Variants in LRRC69 observed in about 807,000 individuals in gnomAD.
The protein encoded by LRRC69 is leucine rich repeat containing 69.
LRRC69 carries 42 observed loss-of-function variants against 37.8 expected under a neutral mutation model. The ratio of observed to expected loss-of-function variants is 1.11; its 90% confidence interval spans 0.87 to 1.44. The LOEUF (loss-of-function observed/expected upper bound fraction) is 1.44, where lower values mean the gene tolerates loss of function less well. Ranked by LOEUF, LRRC69 falls within the 40% of genes most tolerant of loss-of-function variation. The pLI is 0.00. For missense variants in LRRC69, 357 were observed against 401.9 expected (o/e 0.89, Z 0.96); for synonymous variants, 141 against 143.1 (o/e 0.99, Z 0.11).
intron 5 of LRRC69, among the ~76,000 whole-genome samples, chr8:91,151,336 A>G (rs973096803): frequency 4.0e-5 from 6 of 151,158 alleles, no homozygotes; most frequent in African/African-American, 1.2e-4. Context: ...CCTTCGTTTC[A>G]TTATGTACCC....
chr8:91,209,420 A>G (rs917069418), intron 7 of LRRC69: 1 of 149,046 alleles, frequency 6.7e-6, no homozygotes, highest in Non-Finnish European at 1.5e-5. Context: ...CCTGGCAACA[A>G]GAGTGAAACT....
At chr8:91,193,375 T>C (rs1809535628) in intron 6 of LRRC69, among the ~76,000 whole-genome samples, 1 of 142,942 alleles carries the variant, frequency 7.0e-6, no homozygotes, top group Non-Finnish European at 1.5e-5. Flanking sequence ...TTTTTTCCAA[T>C]TCTGTGAAGA....
intron 5 of LRRC69, among the ~76,000 whole-genome samples, chr8:91,187,387 CCAGTCTAGACTGAAAAGGAG>C (rs1043920378): frequency 1.3e-5 from 2 of 152,184 alleles, no homozygotes; most frequent in Admixed American, 6.5e-5. Context: ...CTTCCTGTAA[CCAGTCTAGACTGAAAAGGAG>C]CAGTCCTGCC....
chr8:91,206,511 CAA>C (rs1450463150), intron 7 of LRRC69, among the ~76,000 whole-genome samples: 1 of 152,156 alleles, frequency 6.6e-6, no homozygotes, highest in African/African-American at 2.4e-5. Flanking sequence ...TTGTTATATT[CAA>C]GAGACATTTA....
chr8:91,104,089 G>T (rs1311695560), intron 1 of LRRC69, among the ~76,000 whole-genome samples: 2 of 151,792 alleles, frequency 1.3e-5, no homozygotes, highest in Non-Finnish European at 1.5e-5. Flanking sequence ...TCATCTTCTA[G>T]ATACAGTTAT....
chr8:91,180,545 G>A (rs1279314096), intron 5 of LRRC69, among the ~76,000 whole-genome samples: 1 of 152,222 alleles, frequency 6.6e-6, no homozygotes. Context: ...CACTCAAGGG[G>A]AGGAGAATTA....
intron 5 of LRRC69, among the ~76,000 whole-genome samples, chr8:91,176,151 T>TTTTTTTTC: frequency 2.1e-5 from 3 of 144,446 alleles, no homozygotes; most frequent in Admixed American, 1.4e-4. Context: ...TTTTTTCTTT[T>TTTTTTTTC]TTTTGAGACA....
intron 1 of LRRC69, among the ~76,000 whole-genome samples, chr8:91,122,549 G>A (rs754791112): frequency 9.9e-5 from 15 of 152,022 alleles, no homozygotes; most frequent in Non-Finnish European, 2.1e-4. Context: ...GTAGTAAACG[G>A]TCCCTTGTAT....
intron 6 of LRRC69, among the ~76,000 whole-genome samples, chr8:91,196,815 T>C (rs1179214455): frequency 6.6e-6 from 1 of 152,116 alleles, no homozygotes. Flanking sequence ...TCAGAGTAAT[T>C]TGATCGTCTG....
intron 7 of LRRC69, among the ~76,000 whole-genome samples, chr8:91,215,712 G>A (rs921094799): frequency 6.6e-6 from 1 of 152,110 alleles, no homozygotes; most frequent in African/African-American, 2.4e-5. Flanking sequence ...TTGACAGAAA[G>A]GATATTTCAT....
chr8:91,117,220 A>C (rs1813525835), intron 1 of LRRC69, among the ~76,000 whole-genome samples: 1 of 152,038 alleles, frequency 6.6e-6, no homozygotes, highest in African/African-American at 2.4e-5. Context: ...ATCTAGTAGG[A>C]TTGAATAAAG....
intron 4 of LRRC69, among the ~76,000 whole-genome samples, chr8:91,135,231 AG>A (rs1813888870): frequency 6.6e-6 from 1 of 152,062 alleles, no homozygotes; most frequent in African/African-American, 2.4e-5. Context: ...GCCTAGCTGT[AG>A]GGAATGGGGA....
At chr8:91,147,677 T>C (rs1808646699) in intron 5 of LRRC69, among the ~76,000 whole-genome samples, 1 of 151,844 alleles carries the variant, frequency 6.6e-6, no homozygotes, top group Admixed American at 6.6e-5. Flanking sequence ...TCTTACGAAG[T>C]TTTATATCAT....
chr8:91,166,788 G>A (rs1809038620), intron 5 of LRRC69, among the ~76,000 whole-genome samples: 1 of 151,826 alleles, frequency 6.6e-6, no homozygotes, highest in Non-Finnish European at 1.5e-5. Flanking sequence ...AGTAGAGTCA[G>A]TCCAGTACTA....
rs959411471 is a variant in LRRC69, at chr8:91,161,482, G to A, written c.651+25743G>A. Among the ~76,000 whole-genome samples, 4 of 151,098 alleles carry A rather than the reference G, an allele frequency of 2.6e-5. No homozygotes were observed. The Admixed American group carries it at 2.7e-4, about 10-fold the overall frequency. On this transcript the variant is annotated intron_variant, in intron 5 of 7. Transcript: ENST00000448384. ...TGTTTCAATCTCATTACTCATTACT[G>A]ATCTGTTTAGGTTTTCTATTTCTTC... is the stretch of plus-strand genomic sequence containing the variant.
At chr8:91,168,397 G>A (rs1809066430) in intron 5 of LRRC69, among the ~76,000 whole-genome samples, 1 of 151,886 alleles carries the variant, frequency 6.6e-6, no homozygotes, top group Non-Finnish European at 1.5e-5. Context: ...ACTACTTCCA[G>A]TGGGAGTGGT....
intron 5 of LRRC69, among the ~76,000 whole-genome samples, chr8:91,189,250 G>C (rs1809452990): frequency 6.6e-6 from 1 of 152,028 alleles, no homozygotes; most frequent in Admixed American, 6.6e-5. Flanking sequence ...CCCTAAACAA[G>C]TTTTCTTAGT....
intron 6 of LRRC69, among the ~76,000 whole-genome samples, chr8:91,196,248 C>G (rs1471728340): frequency 6.6e-6 from 1 of 151,958 alleles, no homozygotes; most frequent in East Asian, 1.9e-4. Context: ...TTGAGGGTAA[C>G]CCGACCTTTC....
chr8:91,105,566 C>T (rs1813297145), intron 1 of LRRC69, among the ~76,000 whole-genome samples: 1 of 150,906 alleles, frequency 6.6e-6, no homozygotes, highest in African/African-American at 2.4e-5. Context: ...GCCTCTGGTC[C>T]CAGAGGATTG....
Sources: gnomAD v4.1 joint callset for allele counts (sites outside exome capture counted in the v4.1 genomes callset) on GRCh38, gnomAD v4.1.1 for gene constraint, MANE v1.5 for transcripts, NCBI Gene and HGNC (gene_info 2026-07-23, HGNC 2026-07-21) for gene names.